The following ARK2N variants were observed in gnomAD, a reference collection of about 807,000 sequenced individuals.
ARK2N encodes the protein arkadia (RNF111) N-terminal like PKA signaling regulator 2N.
chr18:46,226,235 T>C, the ARK2N span, among the ~76,000 whole-genome samples: 1 of 152,246 alleles, frequency 6.6e-6, no homozygotes, highest in Admixed American at 6.5e-5. Flanking sequence ...GTGCCTACTA[T>C]GCAAGATAAT....
chr18:46,209,189 G>T, the ARK2N span, among the ~76,000 whole-genome samples: 1 of 152,048 alleles, frequency 6.6e-6, no homozygotes, highest in Non-Finnish European at 1.5e-5. Context: ...CCATAGTTTG[G>T]AAATTGAGCA....
At chr18:46,221,094 C>G in the ARK2N span, among the ~76,000 whole-genome samples, 1 of 152,154 alleles carries the variant, frequency 6.6e-6, no homozygotes, top group African/African-American at 2.4e-5. Context: ...CATGATTGAG[C>G]CTCTGCACTC....
At chr18:46,187,588 C>T in the ARK2N span, among the ~76,000 whole-genome samples, 10 of 151,906 alleles carry the variant, frequency 6.6e-5, no homozygotes, top group Non-Finnish European at 2.9e-5. Flanking sequence ...GTGATCCGAC[C>T]GCCTTGGCCT....
chr18:46,206,354 G>A, the ARK2N span, among the ~76,000 whole-genome samples: 3 of 152,030 alleles, frequency 2.0e-5, no homozygotes, highest in Admixed American at 6.6e-5. Context: ...CCAAAGTGCC[G>A]GGATTATAGG....
the ARK2N span, chr18:46,266,072 T>C: frequency 6.6e-6 from 1 of 152,226 alleles, no homozygotes; most frequent in African/African-American, 2.4e-5. Flanking sequence ...TAATGCATTC[T>C]TTTTTATTCA....
the ARK2N span, among the ~76,000 whole-genome samples, chr18:46,220,243 C>T: frequency 6.6e-6 from 1 of 152,124 alleles, no homozygotes; most frequent in African/African-American, 2.4e-5. Flanking sequence ...ATTGAGGCTA[C>T]TGAGGACAGC....
chr18:46,230,723 C>T, the ARK2N span, among the ~76,000 whole-genome samples: 2 of 152,140 alleles, frequency 1.3e-5, no homozygotes, highest in Non-Finnish European at 2.9e-5. Flanking sequence ...AAAAAAGTTA[C>T]TTCATTTAAA....
At chr18:46,253,963 A>G in the ARK2N span, 2 of 1,012,786 alleles carry the variant, frequency 2.0e-6, no homozygotes, top group East Asian at 5.3e-5. Context: ...TGTTTTGTTT[A>G]AGAAACACTT....
chr18:46,229,768 T>G, the ARK2N span, among the ~76,000 whole-genome samples: 4 of 151,972 alleles, frequency 2.6e-5, no homozygotes, highest in African/African-American at 9.7e-5. Flanking sequence ...CATGTCTGGC[T>G]AATTTTCTTA....
chr18:46,181,727 A>G, the ARK2N span, among the ~76,000 whole-genome samples: 2 of 152,144 alleles, frequency 1.3e-5, no homozygotes, highest in African/African-American at 4.8e-5. Flanking sequence ...AAAAAAACAA[A>G]AAACTAGAAT....
At chr18:46,202,695 G>C in the ARK2N span, among the ~76,000 whole-genome samples, 1 of 151,604 alleles carries the variant, frequency 6.6e-6, no homozygotes, top group African/African-American at 2.4e-5. Context: ...GGCTGAAGGA[G>C]GAGAATCGCT....
At chr18:46,212,637 T>A in the ARK2N span, among the ~76,000 whole-genome samples, 1 of 152,182 alleles carries the variant, frequency 6.6e-6, no homozygotes, top group East Asian at 1.9e-4. Context: ...TGGTTTTGAC[T>A]GCAATACCGG....
At chr18:46,225,335 G>C in the ARK2N span, among the ~76,000 whole-genome samples, 1 of 152,310 alleles carries the variant, frequency 6.6e-6, no homozygotes, top group South Asian at 2.1e-4. Flanking sequence ...AGTTAACGTT[G>C]CTGGAAATGG....
At chr18:46,225,152 G>T in the ARK2N span, among the ~76,000 whole-genome samples, 13 of 152,310 alleles carry the variant, frequency 8.5e-5, no homozygotes, top group African/African-American at 3.1e-4. Context: ...GAACCCAGGG[G>T]ACCTAAGATG....
the ARK2N span, among the ~76,000 whole-genome samples, chr18:46,193,358 C>T: frequency 3.0e-4 from 46 of 151,844 alleles, 1 homozygote; most frequent in African/African-American, 1.1e-3. Context: ...GGCATGATCT[C>T]GGCTCACGGC....
chr18:46,182,016 T>A, the ARK2N span, among the ~76,000 whole-genome samples: 1 of 152,206 alleles, frequency 6.6e-6, no homozygotes, highest in Non-Finnish European at 1.5e-5. Context: ...AAAAATGACC[T>A]TTACAATAAT....
At chr18:46,249,159 T>A in the ARK2N span, among the ~76,000 whole-genome samples, 1 of 152,176 alleles carries the variant, frequency 6.6e-6, no homozygotes, top group African/African-American at 2.4e-5. Flanking sequence ...TTGCCTTAAT[T>A]TCCTAGTCTG....
At chr18:46,216,571 A>C in the ARK2N span, 1 of 1,613,598 alleles carries the variant, frequency 6.2e-7, no homozygotes, top group Non-Finnish European at 8.5e-7. The surrounding 1 kb of genome is among the most constrained non-coding windows in gnomAD (Gnocchi z 4.3). Flanking sequence ...AGGGAGCAGC[A>C]AGACAATCAC....
the ARK2N span, among the ~76,000 whole-genome samples, chr18:46,250,333 T>C: frequency 6.6e-6 from 1 of 152,040 alleles, no homozygotes; most frequent in South Asian, 2.1e-4. Flanking sequence ...TAAAGGCACA[T>C]AATCATCATG....
Sources: allele counts gnomAD v4.1 joint callset (sites outside exome capture counted in the v4.1 genomes callset), GRCh38; gene constraint gnomAD v4.1.1; non-coding constraint Gnocchi (gnomAD v3.1); transcripts MANE v1.5; gene names NCBI Gene and HGNC (gene_info 2026-07-23, HGNC 2026-07-21).